Variants in KCNH1 observed in about 807,000 individuals in gnomAD.
KCNH1 encodes the protein potassium voltage-gated channel subfamily H member 1.
Under a neutral mutation model 69.2 loss-of-function variants are expected in KCNH1, and 27 were observed. The observed-to-expected ratio is 0.39, with a 90% CI of 0.29 to 0.54. The LOEUF is 0.54. KCNH1 is among the 20% of genes least tolerant of loss of function. The pLI is 0.68. For missense variants in KCNH1, 798 were observed against 1,261.6 expected (o/e 0.63, Z 5.57); for synonymous variants, 456 against 487.7 (o/e 0.93, Z 0.86).
chr1:210,766,878 A>C (rs1338653330), intron 10 of KCNH1, among the ~76,000 whole-genome samples: 2 of 152,238 alleles, frequency 1.3e-5, no homozygotes, highest in Non-Finnish European at 2.9e-5. Context: ...CCCCTTGGAA[A>C]TAGGGGAGAA....
intron 7 of KCNH1, among the ~76,000 whole-genome samples, chr1:210,910,697 TC>T (rs1687211362): frequency 6.6e-6 from 1 of 152,226 alleles, no homozygotes; most frequent in Non-Finnish European, 1.5e-5. Context: ...AGCCTTAGTT[TC>T]CTCACCTATA....
intron 10 of KCNH1, among the ~76,000 whole-genome samples, chr1:210,763,605 C>T (rs1450736016): frequency 6.6e-6 from 1 of 152,114 alleles, no homozygotes; most frequent in Non-Finnish European, 1.5e-5. Flanking sequence ...AATGCAATTT[C>T]ATTTGCAGTA....
chr1:210,956,283 G>C (rs559955544), intron 6 of KCNH1, among the ~76,000 whole-genome samples: 1 of 152,310 alleles, frequency 6.6e-6, no homozygotes, highest in African/African-American at 2.4e-5. Flanking sequence ...AGATTTTGAT[G>C]TGCTGTTGGA....
At chr1:210,911,762 C>G (rs1574333842) in intron 7 of KCNH1, among the ~76,000 whole-genome samples, 1 of 152,098 alleles carries the variant, frequency 6.6e-6, no homozygotes, top group Non-Finnish European at 1.5e-5. Flanking sequence ...TTGTAAATTC[C>G]TCTGCCCAGT....
chr1:210,984,998 C>T (rs1688800360), intron 6 of KCNH1, among the ~76,000 whole-genome samples: 2 of 152,138 alleles, frequency 1.3e-5, no homozygotes, highest in Admixed American at 1.3e-4. Context: ...CCATTTCTTC[C>T]TGGTTTAGTC....
chr1:210,894,608 C>T (rs903113601), intron 7 of KCNH1, among the ~76,000 whole-genome samples: 11 of 152,226 alleles, frequency 7.2e-5, no homozygotes, highest in Admixed American at 3.9e-4. Flanking sequence ...CTCAAAAGTG[C>T]ATGTGTTGAA....
At chr1:210,879,042 C>A in intron 7 of KCNH1, among the ~76,000 whole-genome samples, 1 of 151,914 alleles carries the variant, frequency 6.6e-6, no homozygotes, top group East Asian at 1.9e-4. Flanking sequence ...TGAAAATGAC[C>A]AGTTCCTTGA....
At chr1:210,912,556 C>T (rs1010599770) in intron 7 of KCNH1, among the ~76,000 whole-genome samples, 10 of 152,178 alleles carry the variant, frequency 6.6e-5, no homozygotes, top group Admixed American at 3.3e-4. Context: ...AGCTGAGAAA[C>T]ATCATTGTTT....
chr1:211,092,624 T>C (rs995777782), intron 3 of KCNH1, among the ~76,000 whole-genome samples: 1 of 152,188 alleles, frequency 6.6e-6, no homozygotes, highest in African/African-American at 2.4e-5. Flanking sequence ...GTCAAGAATA[T>C]GACCTTTGAA....
intron 7 of KCNH1, among the ~76,000 whole-genome samples, chr1:210,852,595 C>T (rs1023607093): frequency 2.0e-5 from 3 of 152,092 alleles, no homozygotes; most frequent in Admixed American, 1.3e-4. Flanking sequence ...ATAAACAAAA[C>T]GCCTGTGGAA....
chr1:210,803,912 C>G, intron 8 of KCNH1, 55 bp downstream of exon 8: 1 of 1,513,522 alleles, frequency 6.6e-7, no homozygotes, highest in East Asian at 2.3e-5. Context: ...AAGCCTCAAC[C>G]CTCCTAGGGA....
chr1:210,931,971 TGG>T (rs1318754265), intron 6 of KCNH1, among the ~76,000 whole-genome samples: 3 of 152,040 alleles, frequency 2.0e-5, no homozygotes, highest in Non-Finnish European at 4.4e-5. Context: ...AGAAAGTCTA[TGG>T]GACACCATTA....
intron 2 of KCNH1, among the ~76,000 whole-genome samples, chr1:211,106,850 C>T (rs1691356861): frequency 6.6e-6 from 1 of 152,058 alleles, no homozygotes; most frequent in South Asian, 2.1e-4. Flanking sequence ...CCCTTGTCTC[C>T]AACATTGTAG....
At position 210,761,209 on chromosome 1, in the gene KCNH1, G is replaced by A. The variant is rs187848761; in HGVS notation, c.2112+14139C>T. On this transcript the variant is annotated intron_variant, in intron 10 of 10. Transcript: ENST00000271751. ...GGAGCTTGCAGTGAGCCGAGATCCC[G>A]CCACTGCACTCCAGCCTGGGCGACA... Among the ~76,000 whole-genome samples the A allele has an allele frequency of 5.2e-3, 606 of 115,884 alleles. 3 individuals carry two copies. Among genetic ancestry groups the A allele is most frequent in the African/African-American group, 0.018 (554 of 30,718 alleles). 76.0% of individuals were successfully genotyped at this position (115,884 alleles called of 152,430 possible).
intron 9 of KCNH1, among the ~76,000 whole-genome samples, chr1:210,780,397 T>G (rs578188115): frequency 2.6e-5 from 4 of 152,176 alleles, no homozygotes; most frequent in Non-Finnish European, 5.9e-5. Context: ...TACCTGCTGT[T>G]GAGATCATTA....
At chr1:211,078,750 G>A (rs1690785938) in intron 5 of KCNH1, among the ~76,000 whole-genome samples, 1 of 151,524 alleles carries the variant, frequency 6.6e-6, no homozygotes, top group Admixed American at 6.6e-5. Context: ...CTAGCAGAAG[G>A]CAAGAAATAA....
At chr1:211,022,769 T>C (rs116113108) in intron 5 of KCNH1, among the ~76,000 whole-genome samples, 346 of 152,130 alleles carry the variant, frequency 2.3e-3, no homozygotes, top group African/African-American at 7.9e-3. Flanking sequence ...CAAAATGCAA[T>C]GAAATGTAAT....
intron 7 of KCNH1, among the ~76,000 whole-genome samples, chr1:210,878,407 A>G (rs952346854): frequency 3.9e-5 from 6 of 152,246 alleles, no homozygotes; most frequent in African/African-American, 1.2e-4. Context: ...CACAAAAAAC[A>G]TCTTAACAAG....
intron 7 of KCNH1, chr1:210,859,037 G>A: frequency 3.3e-6 from 2 of 603,714 alleles, no homozygotes; most frequent in Non-Finnish European, 5.9e-6. Flanking sequence ...TCCTGGGGTT[G>A]TTGTTGTTGT....
Sources: gnomAD v4.1 joint callset for allele counts (sites outside exome capture counted in the v4.1 genomes callset) on GRCh38, gnomAD v4.1.1 for gene constraint, MANE v1.5 for transcripts, NCBI Gene and HGNC (gene_info 2026-07-23, HGNC 2026-07-21) for gene names.